The following GAN variants were observed in gnomAD, a reference collection of about 807,000 sequenced individuals.
GAN encodes gigaxonin.
In GAN, 48 loss-of-function variants were observed where a neutral mutation model predicts 71.3. That is an observed-to-expected ratio of 0.67 (90% confidence interval 0.53 to 0.86). The LOEUF is 0.86. Ranked by LOEUF, GAN falls within the 40% of genes least tolerant of loss-of-function variation. GAN has a pLI of 0.00. For missense variants in GAN, 928 were observed against 770.1 expected (o/e 1.21, Z -2.43); for synonymous variants, 386 against 276.8 (o/e 1.39, Z -3.92).
rs1010980161 is a variant in GAN at position 81,383,992 on chromosome 16, A to G, written c.*6396A>G. On this transcript the variant is annotated 3_prime_UTR_variant, in exon 11 of 11. Transcript: ENST00000648994. Reference sequence around the variant, plus strand: ...TTTACTCATCAGTTATGAATAAGGCATACCTTAGAAACTTGGGTTAAATTT... The same window carrying G: ...TTTACTCATCAGTTATGAATAAGGCGTACCTTAGAAACTTGGGTTAAATTT... 1.3e-5 allele frequency: 2 copies of G among 152,198 alleles called. No homozygotes were observed. The highest frequency in any genetic ancestry group is 4.8e-5 in the African/African-American group (2 of 41,448). The allele number at this position is 152,198 out of a possible 1,614,324, so 9.4% of individuals were successfully genotyped here.
intron 9 of GAN, among the ~76,000 whole-genome samples, chr16:81,376,595 GTATA>G (rs1049234490): frequency 6.1e-5 from 9 of 148,142 alleles, no homozygotes; most frequent in Non-Finnish European, 1.0e-4. Flanking sequence ...GTATGTATAA[GTATA>G]TATTATATGT....
rs970432475 is a variant in GAN at position 81,335,755 on chromosome 16, A to C, written c.168-15828A>C. Reference sequence around the variant, plus strand: ...GAATGAGACTCAGTCTCAAAAAAAAAAAAAAAAAAAATCCATTCAAATGAT... The same window carrying C: ...GAATGAGACTCAGTCTCAAAAAAAACAAAAAAAAAAATCCATTCAAATGAT... On this transcript the variant is annotated intron_variant, in intron 1 of 10. Coordinates refer to ENST00000648994, the MANE Select transcript of GAN (RefSeq NM_022041.4). Among the ~76,000 whole-genome samples the C allele has an allele frequency of 5.9e-5, 9 of 151,912 alleles. No individual in the cohort carries two copies. The East Asian group carries it at 1.5e-3, about 26-fold the overall frequency.
rs1170518080 is a variant in GAN at position 81,388,082 on chromosome 16, C to G, written c.*10486C>G. The G allele has an allele frequency of 6.6e-6, 1 of 152,248 alleles. No homozygotes were observed. The highest frequency in any genetic ancestry group is 2.4e-5 in the African/African-American group (1 of 41,434). 9.4% of individuals were successfully genotyped at this position (152,248 alleles called of 1,614,324 possible). On this transcript the variant is annotated 3_prime_UTR_variant, in exon 11 of 11. Coordinates refer to ENST00000648994, the MANE Select transcript of GAN (RefSeq NM_022041.4). ...CACTTCGCAGTCGGCGCATCTTTCT[C>G]TGCCAGCTTAGGGATTGCCGTCAAG...
Position 81,388,828 on chromosome 16 carries a change from G to C in GAN, c.*11232G>C, listed in dbSNP as rs1480942771. Reference sequence around the variant, plus strand: ...ACACACTATGTTCCAAATCGTTGTGGGATCGGAAACTAGAACTGCTTGTTT... The same window carrying C: ...ACACACTATGTTCCAAATCGTTGTGCGATCGGAAACTAGAACTGCTTGTTT... On this transcript the variant is annotated 3_prime_UTR_variant, in exon 11 of 11. Transcript: ENST00000648994. 6.6e-6 allele frequency: 1 copy of C among 152,180 alleles called. No individual in the cohort carries two copies. Among genetic ancestry groups the C allele is most frequent in the African/African-American group, 2.4e-5 (1 of 41,432 alleles). 9.4% of individuals were successfully genotyped at this position (152,180 alleles called of 1,614,324 possible). A position where few individuals can be genotyped will look rare whatever the true frequency, so the allele number is the denominator to read the frequency against.
chr16:81,352,567 CTT>C (rs1910335089), intron 2 of GAN, among the ~76,000 whole-genome samples: 1 of 152,270 alleles, frequency 6.6e-6, no homozygotes, highest in East Asian at 1.9e-4. Context: ...CTTTATCCCT[CTT>C]GTTTTCCTTT....
rs988568924 is a variant in GAN, at chr16:81,381,725, G to A, written c.*4129G>A. ...CCAGTCTCAGTGCTTGCACAGAGTA[G>A]GTAGGCAATAAACATTTGACAAATA... On this transcript the variant is annotated 3_prime_UTR_variant, in exon 11 of 11. Coordinates refer to ENST00000648994, the MANE Select transcript of GAN (RefSeq NM_022041.4). 1 of 152,222 alleles carries A rather than the reference G, an allele frequency of 6.6e-6. No individual in the cohort carries two copies. Among genetic ancestry groups the A allele is most frequent in the African/African-American group, 2.4e-5 (1 of 41,456 alleles). The allele number at this position is 152,222 out of a possible 1,614,324, so 9.4% of individuals were successfully genotyped here. A position where few individuals can be genotyped will look rare whatever the true frequency, so the allele number is the denominator to read the frequency against.
Position 81,390,214 on chromosome 16 carries a change from G to A in GAN, c.*12618G>A, listed in dbSNP as rs1026095772. 1 of 152,124 alleles carries A rather than the reference G, an allele frequency of 6.6e-6. No individual in the cohort carries two copies. Among genetic ancestry groups the A allele is most frequent in the Non-Finnish European group, 1.5e-5 (1 of 68,008 alleles). The allele number at this position is 152,124 out of a possible 1,614,324, so 9.4% of individuals were successfully genotyped here. A position where few individuals can be genotyped will look rare whatever the true frequency, so the allele number is the denominator to read the frequency against. On this transcript the variant is annotated 3_prime_UTR_variant, in exon 11 of 11. Transcript: ENST00000648994. ...CTAGAAGGCTGCAACTTGTAAAATT[G>A]TACTCCCCAAGTTCAGTAGGATAGT...
chr16:81,338,845 G>T (rs1250766417), intron 1 of GAN, among the ~76,000 whole-genome samples: 1 of 152,194 alleles, frequency 6.6e-6, no homozygotes, highest in Non-Finnish European at 1.5e-5. Context: ...GAGGCCCTTT[G>T]AGAGGCCCTG....
At position 81,381,815 on chromosome 16, in the gene GAN, A is replaced by G. The variant is rs1038301277; in HGVS notation, c.*4219A>G. ...GAAAAGGGCACTCCAAGAGTGACTG[A>G]TTTTACTGGGTTTTCAGTGAGAAAC... is the stretch of plus-strand genomic sequence containing the variant. On this transcript the variant is annotated 3_prime_UTR_variant, in exon 11 of 11. Transcript: ENST00000648994. 20 of 152,306 alleles carry G rather than the reference A, an allele frequency of 1.3e-4. No homozygotes were observed. Among genetic ancestry groups the G allele is most frequent in the African/African-American group, 4.8e-4 (20 of 41,552 alleles). The allele number at this position is 152,306 out of a possible 1,614,324, so 9.4% of individuals were successfully genotyped here.
chr16:81,353,415 GC>G (rs1296423855), intron 2 of GAN, among the ~76,000 whole-genome samples: 1 of 152,016 alleles, frequency 6.6e-6, no homozygotes, highest in African/African-American at 2.4e-5. Flanking sequence ...GTCTACAGCT[GC>G]CTGCTGTCTT....
rs1187443061 is a variant in GAN, at chr16:81,365,180, C to T, written c.1373+70C>T. ...CTGGGTCTGGAGCCCCTTACCCTGC[C>T]TGGCTTTTGTTCTTTTCTTTCAGAG... On this transcript the variant is annotated intron_variant, in intron 8 of 10. Transcript: ENST00000648994. 6 of 1,580,904 alleles carry T rather than the reference C, an allele frequency of 3.8e-6. No individual in the cohort carries two copies. The African/African-American group carries it at 6.7e-5, about 18-fold the overall frequency.
chr16:81,389,118 C>CA lies in GAN; in HGVS notation c.*11525dup, dbSNP rs1215407374. ...TCAAAATTCAGGCTCTCCATGAAAA[C>CA]AAAGATAATCTGAATAAAAATTGTG... On this transcript the variant is annotated 3_prime_UTR_variant, in exon 11 of 11. Coordinates refer to ENST00000648994, the MANE Select transcript of GAN (RefSeq NM_022041.4). 1.3e-5 allele frequency: 2 copies of CA among 152,144 alleles called. No homozygotes were observed. The highest frequency in any genetic ancestry group is 1.5e-5 in the Non-Finnish European group (1 of 68,024). 9.4% of individuals were successfully genotyped at this position (152,144 alleles called of 1,614,324 possible). A position where few individuals can be genotyped will look rare whatever the true frequency, so the allele number is the denominator to read the frequency against.
Position 81,382,556 on chromosome 16 carries a change from G to C in GAN, c.*4960G>C, listed in dbSNP as rs936251106. 6.6e-6 allele frequency: 1 copy of C among 152,188 alleles called. No individual in the cohort carries two copies. The highest frequency in any genetic ancestry group is 1.5e-5 in the Non-Finnish European group (1 of 68,038). The allele number at this position is 152,188 out of a possible 1,614,324, so 9.4% of individuals were successfully genotyped here. A position where few individuals can be genotyped will look rare whatever the true frequency, so the allele number is the denominator to read the frequency against. On this transcript the variant is annotated 3_prime_UTR_variant, in exon 11 of 11. Transcript: ENST00000648994. Reference sequence around the variant, plus strand: ...TAATTAGTAAGGGAAAATAAACTATGTCTTAGAATGTTGAGGAAAGTATTT... The same window carrying C: ...TAATTAGTAAGGGAAAATAAACTATCTCTTAGAATGTTGAGGAAAGTATTT...
chr16:81,349,290 G>C (rs1432767570), intron 1 of GAN, among the ~76,000 whole-genome samples: 1 of 151,826 alleles, frequency 6.6e-6, no homozygotes, highest in African/African-American at 2.4e-5. Flanking sequence ...TTTGCTTACT[G>C]CTAAATTAGG....
At position 81,357,915 on chromosome 16, in the gene GAN, T is replaced by C. The variant is rs749211835; in HGVS notation, c.957T>C (p.His319=). 3 of 1,613,846 alleles carry C rather than the reference T, an allele frequency of 1.9e-6. No homozygotes were observed. The highest frequency in any genetic ancestry group is 1.7e-5 in the Admixed American group (1 of 60,018). ...CTTTAAGCATGCCGAGAATTAACCA[T>C]GGAGTTCTCTCAGCAGGTACCGTTC... ...LAPLSMPRIN[H]GVLSAEGFLF... The change falls in exon 5 of 11, where the codon CAT becomes CAC. Residue 319 remains histidine (H), a synonymous_variant. Transcript: ENST00000648994.
rs896017378 is a variant in GAN at position 81,386,111 on chromosome 16, A to G, written c.*8515A>G. The G allele has an allele frequency of 6.6e-6, 1 of 152,178 alleles. No individual in the cohort carries two copies. The highest frequency in any genetic ancestry group is 2.4e-5 in the African/African-American group (1 of 41,454). The allele number at this position is 152,178 out of a possible 1,614,324, so 9.4% of individuals were successfully genotyped here. A position where few individuals can be genotyped will look rare whatever the true frequency, so the allele number is the denominator to read the frequency against. ...TCTACATCTCTAGTATTTAAATTCA[A>G]CACAATTCTAGATAGCTGAAACAGC... On this transcript the variant is annotated 3_prime_UTR_variant, in exon 11 of 11. Transcript: ENST00000648994.
intron 5 of GAN, among the ~76,000 whole-genome samples, chr16:81,358,607 T>C (rs1383526919): frequency 6.7e-6 from 1 of 148,820 alleles, no homozygotes; most frequent in Non-Finnish European, 1.5e-5. Flanking sequence ...AGACCCTGTC[T>C]CAAAAAAAAA....
intron 1 of GAN, among the ~76,000 whole-genome samples, chr16:81,340,961 G>C (rs796102733): frequency 6.6e-6 from 1 of 151,886 alleles, no homozygotes; most frequent in South Asian, 2.1e-4. Context: ...ACCTGATGGA[G>C]CTGAAAACCA....
Position 81,376,057 on chromosome 16 carries a change from C to T in GAN, c.1503-1162C>T, listed in dbSNP as rs116327187. ...CATCATTGGTCTTCAGGGAAGTATA[C>T]GCCATTAAAGTAGCCAAAATTAAAA... On this transcript the variant is annotated intron_variant, in intron 9 of 10. Transcript: ENST00000648994. 4.8e-3 allele frequency among the ~76,000 whole-genome samples: 725 copies of T among 151,792 alleles called. 3 individuals carry two copies. The highest frequency in any genetic ancestry group is 0.016 in the African/African-American group (670 of 41,400).
Sources: allele counts gnomAD v4.1 joint callset (sites outside exome capture counted in the v4.1 genomes callset), GRCh38; gene constraint gnomAD v4.1.1; transcripts MANE v1.5; gene names NCBI Gene and HGNC (gene_info 2026-07-23, HGNC 2026-07-21).